Variants in PCDHGA11 observed in about 807,000 individuals in gnomAD.
PCDHGA11 encodes the protein protocadherin gamma subfamily A, 11.
PCDHGA11 carries 39 observed loss-of-function variants against 60.4 expected under a neutral mutation model. The ratio of observed to expected loss-of-function variants is 0.65; its 90% CI spans 0.50 to 0.84. PCDHGA11 has a LOEUF of 0.84. PCDHGA11 is among the 40% of genes least tolerant of loss of function. PCDHGA11 has a pLI of 0.00. For missense variants in PCDHGA11, 1,165 were observed against 1,197.7 expected (o/e 0.97, Z 0.40); for synonymous variants, 533 against 510.3 (o/e 1.04, Z -0.60).
chr5:141,455,476 G>C (rs2098823789), intron 1 of PCDHGA11, among the ~76,000 whole-genome samples: 1 of 152,218 alleles, frequency 6.6e-6, no homozygotes. Flanking sequence ...ATATGCAGAG[G>C]CTGGTGGAGG....
chr5:141,496,621 CA>C (rs2099769988), intron 2 of PCDHGA11, among the ~76,000 whole-genome samples: 1 of 152,332 alleles, frequency 6.6e-6, no homozygotes, highest in Non-Finnish European at 1.5e-5. Flanking sequence ...AGCAGCAGAT[CA>C]AAAGGCTTGG....
chr5:141,504,907 A>G (rs2099841813), intron 2 of PCDHGA11, among the ~76,000 whole-genome samples: 1 of 152,100 alleles, frequency 6.6e-6, no homozygotes, highest in African/African-American at 2.4e-5. Context: ...TCACTATGAC[A>G]GGAAGCCAGG....
intron 1 of PCDHGA11, among the ~76,000 whole-genome samples, chr5:141,480,216 C>T (rs1055544952): frequency 1.9e-4 from 28 of 147,036 alleles, no homozygotes; most frequent in Non-Finnish European, 3.6e-4. Flanking sequence ...CCAGCCTGAG[C>T]GACATAGTGA....
chr5:141,485,887 C>T lies in PCDHGA11; in HGVS notation c.2434-8920C>T. 1 of 1,614,098 alleles carries T rather than the reference C, an allele frequency of 6.2e-7. No homozygotes were observed. On this transcript the variant is annotated intron_variant, in intron 1 of 3. Transcript: ENST00000398587. The surrounding 1 kb of genome is among the most constrained non-coding windows in gnomAD (Gnocchi z 5.7). ...TATCCGTGCTGGACGTAAACGACAA[C>T]GCCCCAGCCTTCCAGCAATCCAGCT...
chr5:141,462,657 T>G (rs949098251), intron 1 of PCDHGA11, among the ~76,000 whole-genome samples: 1 of 152,164 alleles, frequency 6.6e-6, no homozygotes, highest in East Asian at 1.9e-4. Flanking sequence ...TCCTCAATTA[T>G]CTTCATATTT....
intron 1 of PCDHGA11, chr5:141,478,291 C>T: frequency 1.9e-6 from 3 of 1,614,144 alleles, no homozygotes; most frequent in East Asian, 2.2e-5. Context: ...AGTCTAGAGA[C>T]CTATACCGAG....
intron 1 of PCDHGA11, among the ~76,000 whole-genome samples, chr5:141,492,408 C>T (rs1187024017): frequency 2.0e-5 from 3 of 152,244 alleles, no homozygotes; most frequent in African/African-American, 2.4e-5. Flanking sequence ...CTCCCCTCTG[C>T]CGCTCCCTCC....
chr5:141,441,343 C>T (rs2098240806), intron 1 of PCDHGA11: 1 of 152,368 alleles, frequency 6.6e-6, no homozygotes, highest in African/African-American at 2.4e-5. Flanking sequence ...TAATTAACTA[C>T]ATGCTTGTAA....
At chr5:141,458,519 T>C (rs974750749) in intron 1 of PCDHGA11, among the ~76,000 whole-genome samples, 1 of 152,110 alleles carries the variant, frequency 6.6e-6, no homozygotes, top group Non-Finnish European at 1.5e-5. Context: ...CTTTGTTTTT[T>C]TTTTTAACTT....
chr5:141,423,398 G>C lies in PCDHGA11; in HGVS notation c.2171G>C (p.Arg724Pro), dbSNP rs767594062. The C allele has an allele frequency of 6.8e-6, 11 of 1,614,172 alleles. No homozygotes were observed. Among genetic ancestry groups the C allele is most frequent in the Non-Finnish European group, 9.3e-6 (11 of 1,180,010 alleles). Residue 724 changes from arginine (R) to proline (P), a missense_variant, in exon 1 of 4, where the codon CGC becomes CCC. Transcript: ENST00000398587. Reference sequence around the variant, plus strand: ...AGGCTGTGGCGCTGGCATAAGTCACGCCTGCTGCAGGCTTCTGAAGGCGGG... The same window carrying C: ...AGGCTGTGGCGCTGGCATAAGTCACCCCTGCTGCAGGCTTCTGAAGGCGGG... ...ALRLWRWHKS[R>P]LLQASEGGLA... is the part of the protein sequence containing the mutation.
chr5:141,461,510 G>T (rs2099016853), intron 1 of PCDHGA11, among the ~76,000 whole-genome samples: 1 of 152,014 alleles, frequency 6.6e-6, no homozygotes, highest in Non-Finnish European at 1.5e-5. Context: ...TTGGTGATTT[G>T]TTAGTTCCTT....
chr5:141,490,544 A>G lies in PCDHGA11; in HGVS notation c.2434-4263A>G. 6.2e-7 allele frequency: 1 copy of G among 1,614,120 alleles called. No individual in the cohort carries two copies. Among genetic ancestry groups the G allele is most frequent in the Non-Finnish European group, 8.5e-7 (1 of 1,180,028 alleles). ...AGCGATGCTGGTTCACCTTCCCTAC[A>G]CAAACATCTCACCATCAGGCTCAAC... On this transcript the variant is annotated intron_variant, in intron 1 of 3. Transcript: ENST00000398587. This position sits in a 1 kb window ranked among gnomAD's most constrained non-coding sequence, Gnocchi z 5.4.
chr5:141,425,317 C>T (rs78746536), intron 1 of PCDHGA11, among the ~76,000 whole-genome samples: 174 of 152,168 alleles, frequency 1.1e-3, no homozygotes, highest in East Asian at 3.7e-3. Context: ...TTCCCAAGAT[C>T]GTGGAGAACA....
chr5:141,471,846 T>C (rs2099265433), intron 1 of PCDHGA11, among the ~76,000 whole-genome samples: 1 of 152,180 alleles, frequency 6.6e-6, no homozygotes. Context: ...AATAAAATAT[T>C]CAGAAAAAGC....
intron 1 of PCDHGA11, chr5:141,478,565 T>C (rs772519746): frequency 1.6e-5 from 25 of 1,593,862 alleles, no homozygotes; most frequent in Non-Finnish European, 2.0e-5. Flanking sequence ...TAGCAAGTCA[T>C]GCTTGACCCT....
At chr5:141,439,412 T>G (rs2098111019) in intron 1 of PCDHGA11, among the ~76,000 whole-genome samples, 1 of 152,194 alleles carries the variant, frequency 6.6e-6, no homozygotes, top group Admixed American at 6.5e-5. Flanking sequence ...CTAACATCAC[T>G]GAGGTTATAA....
In PCDHGA11 at chr5:141,476,229, C is replaced by T; in HGVS notation, c.2434-18578C>T. ...TCCACGGTCATTCACTATGAGATCC[C>T]GGAGGAAAGAGAGAAGGGTTTCGCT... On this transcript the variant is annotated intron_variant, in intron 1 of 3. Coordinates refer to ENST00000398587, the MANE Select transcript of PCDHGA11 (RefSeq NM_018914.3). The surrounding 1 kb of genome is among the most constrained non-coding windows in gnomAD (Gnocchi z 7.6). 1 of 1,613,872 alleles carries T rather than the reference C, an allele frequency of 6.2e-7. No individual in the cohort carries two copies. The highest frequency in any genetic ancestry group is 2.2e-5 in the East Asian group (1 of 44,822).
chr5:141,465,385 C>T (rs752724696), intron 1 of PCDHGA11, among the ~76,000 whole-genome samples: 3 of 151,978 alleles, frequency 2.0e-5, no homozygotes, highest in Admixed American at 6.6e-5. Context: ...AGATTAGGAA[C>T]AAAAACAAGT....
chr5:141,488,837 C>A (rs550655328), intron 1 of PCDHGA11, among the ~76,000 whole-genome samples: 1 of 152,280 alleles, frequency 6.6e-6, no homozygotes, highest in African/African-American at 2.4e-5. Context: ...GCCAAGGGGG[C>A]TGAATCAACC....
Sources: gnomAD v4.1 joint callset for allele counts (sites outside exome capture counted in the v4.1 genomes callset) on GRCh38, gnomAD v4.1.1 for gene constraint, Gnocchi (gnomAD v3.1) non-coding constraint, MANE v1.5 for transcripts, NCBI Gene and HGNC (gene_info 2026-07-23, HGNC 2026-07-21) for gene names.